Variants in ADAM10 observed in about 807,000 individuals in gnomAD.
The protein encoded by ADAM10 is disintegrin and metalloproteinase domain-containing protein 10.
In ADAM10, 17 loss-of-function variants were observed where a neutral mutation model predicts 90.1. The ratio of observed to expected loss-of-function variants is 0.19; its 90% CI spans 0.13 to 0.28. The LOEUF (loss-of-function observed/expected upper bound fraction) is 0.28, where lower values mean the gene tolerates loss of function less well. ADAM10 is among the 10% of genes least tolerant of loss of function. The pLI is 1.00. For synonymous variants in ADAM10, 310 were observed against 298.6 expected (o/e 1.04, Z -0.40); for missense variants, 610 against 914.3 (o/e 0.67, Z 4.29).
rs200316504 is a variant in ADAM10, at chr15:58,612,009, T to A, written c.1512-18A>T. 8.7e-6 allele frequency: 14 copies of A among 1,610,596 alleles called. No homozygotes were observed. Among genetic ancestry groups the A allele is most frequent in the Non-Finnish European group, 1.2e-5 (14 of 1,177,044 alleles). ...GACTTGGACTAGAGGAAACATTAAG[T>A]GATTAAACAAAGTAAATCACTAGTT... On this transcript the variant is annotated intron_variant, in intron 11 of 15. Coordinates refer to ENST00000260408, the MANE Select transcript of ADAM10 (RefSeq NM_001110.4).
chr15:58,621,827 T>C (rs1444663079), intron 10 of ADAM10, among the ~76,000 whole-genome samples: 17 of 152,208 alleles, frequency 1.1e-4, no homozygotes, highest in African/African-American at 2.9e-4. Flanking sequence ...GGGTCTTCAG[T>C]TTCTCAATCT....
rs568910176 is a variant in ADAM10 at position 58,604,713 on chromosome 15, A to G, written c.2026-4989T>C. Among the ~76,000 whole-genome samples, 9 of 152,322 alleles carry G rather than the reference A, an allele frequency of 5.9e-5. No individual in the cohort carries two copies. The South Asian group carries it at 1.7e-3, about 28-fold the overall frequency. Reference sequence around the variant, plus strand: ...ATAGGACAGTAAAACTGGTTTGGATATATTTAATGATAGTCTTTTTAGTAC... The same window carrying G: ...ATAGGACAGTAAAACTGGTTTGGATGTATTTAATGATAGTCTTTTTAGTAC... On this transcript the variant is annotated intron_variant, in intron 14 of 15. Transcript: ENST00000260408.
Position 58,600,149 on chromosome 15 carries a change from G to C in ADAM10, c.2026-425C>G, listed in dbSNP as rs181595787. 1.4e-3 allele frequency among the ~76,000 whole-genome samples: 219 copies of C among 152,090 alleles called. 4 individuals are homozygous for C. Among genetic ancestry groups the C allele is most frequent in the Admixed American group, 0.013 (192 of 15,276 alleles). ...TTTTTCTCCCTCAAATGGATAATGT[G>C]CCAATGCCCTAACAAGGTTTGAGGA... On this transcript the variant is annotated intron_variant, in intron 14 of 15. Transcript: ENST00000260408.
intron 2 of ADAM10, among the ~76,000 whole-genome samples, chr15:58,707,795 G>T (rs753072010): frequency 2.2e-4 from 34 of 152,082 alleles, no homozygotes; most frequent in Non-Finnish European, 4.6e-4. Context: ...AAACATTAAG[G>T]GCCTGGTGCA....
intron 3 of ADAM10, among the ~76,000 whole-genome samples, chr15:58,680,966 C>T (rs1044713398): frequency 6.6e-6 from 1 of 152,028 alleles, no homozygotes; most frequent in Non-Finnish European, 1.5e-5. Flanking sequence ...TACAGGTGTG[C>T]CACCACAACT....
At chr15:58,705,808 G>A (rs532737366) in intron 2 of ADAM10, among the ~76,000 whole-genome samples, 10 of 152,142 alleles carry the variant, frequency 6.6e-5, no homozygotes, top group Non-Finnish European at 1.2e-4. Flanking sequence ...TCTGAAAATA[G>A]GTGAGTACAG....
At chr15:58,683,181 C>T (rs1897487027) in intron 2 of ADAM10, among the ~76,000 whole-genome samples, 1 of 152,160 alleles carries the variant, frequency 6.6e-6, no homozygotes, top group Admixed American at 6.5e-5. Context: ...GCTAACATTA[C>T]TCAACTCTGT....
intron 2 of ADAM10, among the ~76,000 whole-genome samples, chr15:58,710,336 A>G (rs1447262204): frequency 1.3e-5 from 2 of 152,208 alleles, no homozygotes; most frequent in Admixed American, 1.3e-4. Flanking sequence ...ATCAGCTCCT[A>G]ATAACCTTTA....
chr15:58,625,981 GC>G (rs1472751646), intron 10 of ADAM10, among the ~76,000 whole-genome samples: 3 of 148,480 alleles, frequency 2.0e-5, no homozygotes, highest in East Asian at 2.3e-4. Flanking sequence ...GAACAGGGTA[GC>G]AGGGGGGAGG....
rs144290147 is a variant in ADAM10, at chr15:58,651,451, T to C, written c.586-5247A>G. 5.4e-3 allele frequency among the ~76,000 whole-genome samples: 818 copies of C among 152,274 alleles called. 3 individuals carry two copies. The highest frequency in any genetic ancestry group is 9.2e-3 in the Non-Finnish European group (629 of 68,012). ...CTGGTAACCATCCTTCTACTCTCTA[T>C]CTCCATGAGTTAAATTGTTTTAATT... On this transcript the variant is annotated intron_variant, in intron 5 of 15. Coordinates refer to ENST00000260408, the MANE Select transcript of ADAM10 (RefSeq NM_001110.4).
At chr15:58,653,326 C>T (rs1375386183) in intron 5 of ADAM10, among the ~76,000 whole-genome samples, 1 of 152,016 alleles carries the variant, frequency 6.6e-6, no homozygotes, top group Non-Finnish European at 1.5e-5. Flanking sequence ...CAGGTTTTGC[C>T]CATTCAGTAT....
chr15:58,731,451 TCAA>T (rs1899236347), intron 1 of ADAM10, among the ~76,000 whole-genome samples: 1 of 151,588 alleles, frequency 6.6e-6, no homozygotes, highest in South Asian at 2.1e-4. Context: ...AAGCCCCGTC[TCAA>T]CAACAACAAA....
intron 2 of ADAM10, among the ~76,000 whole-genome samples, chr15:58,703,217 A>G (rs542700373): frequency 1.3e-5 from 2 of 151,922 alleles, no homozygotes; most frequent in South Asian, 4.1e-4. Context: ...CTTCGACTCA[A>G]CAGTCAGAAA....
chr15:58,612,109 T>C, intron 11 of ADAM10, 118 bp from the exon 12 acceptor site: 1 of 1,024,990 alleles, frequency 9.8e-7, no homozygotes, highest in South Asian at 1.4e-5. Flanking sequence ...ATCCTAAGTC[T>C]CATCACTTAA....
chr15:58,667,392 T>C (rs1033761194), intron 4 of ADAM10, among the ~76,000 whole-genome samples: 1 of 152,140 alleles, frequency 6.6e-6, no homozygotes, highest in African/African-American at 2.4e-5. Flanking sequence ...AGGCATAAAA[T>C]ACTCACTTTT....
rs780133462 is a variant in ADAM10 at position 58,592,526 on chromosome 15, T to C, written c.*5021A>G. ...AAAACAATGTTTCCTAGGTTCTTCT[T>C]GTACATTTCTTTCTTACAGGTGGAA... On this transcript the variant is annotated 3_prime_UTR_variant, in exon 16 of 16. Coordinates refer to ENST00000260408, the MANE Select transcript of ADAM10 (RefSeq NM_001110.4). 4.6e-5 allele frequency: 7 copies of C among 152,208 alleles called. No homozygotes were observed. The highest frequency in any genetic ancestry group is 9.6e-5 in the African/African-American group (4 of 41,454). The allele number at this position is 152,208 out of a possible 1,614,324, so 9.4% of individuals were successfully genotyped here.
rs1435117250 is a variant in ADAM10 at position 58,682,185 on chromosome 15, G to C, written c.325+11C>G. On this transcript the variant is annotated intron_variant, in intron 3 of 15. Coordinates refer to ENST00000260408, the MANE Select transcript of ADAM10 (RefSeq NM_001110.4). The stretch of plus-strand genomic sequence containing the variant: ...AATGGAAGAAAAGGGTTCTGTTAAG[G>C]TCCAACTTACCATAAATATGTCCAG... The C allele has an allele frequency of 1.2e-6, 2 of 1,610,992 alleles. No homozygotes were observed. The highest frequency in any genetic ancestry group is 3.3e-5 in the Admixed American group (2 of 59,898).
At chr15:58,723,364 T>C (rs1190507320) in intron 1 of ADAM10, among the ~76,000 whole-genome samples, 1 of 151,890 alleles carries the variant, frequency 6.6e-6, no homozygotes, top group Non-Finnish European at 1.5e-5. Flanking sequence ...AAAAATACAC[T>C]GGTCTCAGAG....
chr15:58,688,898 T>A (rs1897691731), intron 2 of ADAM10, among the ~76,000 whole-genome samples: 1 of 138,440 alleles, frequency 7.2e-6, no homozygotes, highest in Non-Finnish European at 1.6e-5. Flanking sequence ...TACAGAGAGA[T>A]AAAGAGTTTA....
Sources: gnomAD v4.1 joint callset for allele counts (sites outside exome capture counted in the v4.1 genomes callset) on GRCh38, gnomAD v4.1.1 for gene constraint, MANE v1.5 for transcripts, NCBI Gene and HGNC (gene_info 2026-07-23, HGNC 2026-07-21) for gene names.